The following KSR2 variants were observed in gnomAD, a reference collection of about 807,000 sequenced individuals.
KSR2 encodes kinase suppressor of ras 2.
Under a neutral mutation model 107.8 loss-of-function variants are expected in KSR2, and 25 were observed. The ratio of observed to expected loss-of-function variants is 0.23; its 90% CI spans 0.17 to 0.32. The LOEUF (loss-of-function observed/expected upper bound fraction) is 0.32. Among genes scored for constraint, KSR2 ranks in the 10% least tolerant of loss-of-function variants. The pLI, the probability that KSR2 is intolerant of heterozygous loss-of-function variation, is 1.00. For missense variants in KSR2, 887 were observed against 1,268.9 expected (o/e 0.70, Z 4.57); for synonymous variants, 480 against 507.0 (o/e 0.95, Z 0.71).
chr12:117,668,766 G>C (rs143871123), intron 4 of KSR2, among the ~76,000 whole-genome samples: 20 of 152,132 alleles, frequency 1.3e-4, no homozygotes, highest in African/African-American at 4.8e-4. Context: ...CTGTCTGATA[G>C]TTCCTTCAGA....
In KSR2 at chr12:117,672,222, G is replaced by A. The variant is rs553728245; in HGVS notation, c.987-4564C>T. 6.6e-5 allele frequency among the ~76,000 whole-genome samples: 10 copies of A among 152,248 alleles called. No homozygotes were observed. The South Asian group carries it at 1.5e-3, about 22-fold the overall frequency. The stretch of plus-strand genomic sequence containing the variant: ...AAGATTCAAAGAAACATCCATACAC[G>A]GACACAAATGACTGTTCCTAATGAC... On this transcript the variant is annotated intron_variant, in intron 4 of 19. Coordinates refer to ENST00000339824, the MANE Select transcript of KSR2 (RefSeq NM_173598.6).
chr12:117,859,650 T>A (rs1372076589), intron 2 of KSR2, among the ~76,000 whole-genome samples: 3 of 151,286 alleles, frequency 2.0e-5, no homozygotes, highest in Admixed American at 1.3e-4. Flanking sequence ...AGAGATGGAG[T>A]TTCGCCATGT....
chr12:117,938,844 T>C (rs1895921152), intron 1 of KSR2, among the ~76,000 whole-genome samples: 1 of 152,210 alleles, frequency 6.6e-6, no homozygotes, highest in Non-Finnish European at 1.5e-5. Context: ...TTGAGTTCCC[T>C]TTCAGATACC....
intron 3 of KSR2, among the ~76,000 whole-genome samples, chr12:117,839,748 T>C (rs1401706245): frequency 1.3e-5 from 2 of 152,190 alleles, no homozygotes; most frequent in Non-Finnish European, 2.9e-5. Context: ...TTTAGAAAGA[T>C]GCAGCCCAGA....
chr12:117,957,230 G>A (rs182395724), intron 1 of KSR2, among the ~76,000 whole-genome samples: 3 of 152,082 alleles, frequency 2.0e-5, no homozygotes, highest in East Asian at 1.9e-4. Context: ...CTGTGTCTGC[G>A]GCTGCCTTAC....
At chr12:117,604,300 A>ATG (rs1881112231) in intron 5 of KSR2, among the ~76,000 whole-genome samples, 1 of 152,178 alleles carries the variant, frequency 6.6e-6, no homozygotes, top group Non-Finnish European at 1.5e-5. Context: ...ACTTCCCAGC[A>ATG]TGTCAGAATG....
intron 2 of KSR2, among the ~76,000 whole-genome samples, chr12:117,857,537 A>G (rs1157708195): frequency 6.6e-6 from 1 of 152,240 alleles, no homozygotes; most frequent in Non-Finnish European, 1.5e-5. Flanking sequence ...TAACATTTTT[A>G]TAACATCAAA....
chr12:117,695,172 A>AGTACTT (rs1886001783), intron 4 of KSR2, among the ~76,000 whole-genome samples: 2 of 152,054 alleles, frequency 1.3e-5, no homozygotes, highest in Non-Finnish European at 2.9e-5. Context: ...TCTATGAGGT[A>AGTACTT]CCTAGAACAG....
intron 14 of KSR2, among the ~76,000 whole-genome samples, chr12:117,511,179 C>T (rs1241186511): frequency 6.6e-6 from 1 of 152,240 alleles, no homozygotes; most frequent in Non-Finnish European, 1.5e-5. Flanking sequence ...CATTCCCCTA[C>T]AGGCTCTTTT....
chr12:117,667,727 C>A, intron 4 of KSR2, 69 bp from the exon 5 acceptor site: 1 of 1,342,164 alleles, frequency 7.5e-7, no homozygotes, highest in African/African-American at 1.5e-5. Flanking sequence ...AGCAGGGAGG[C>A]CCAGCCTTGT....
Position 117,828,360 on chromosome 12 carries a change from G to A in KSR2, c.472+27068C>T, listed in dbSNP as rs549286404. On this transcript the variant is annotated intron_variant, in intron 3 of 19. Coordinates refer to ENST00000339824, the MANE Select transcript of KSR2 (RefSeq NM_173598.6). ...TGGTGTTATGTAATATCCAGAACAC[G>A]GCAGCACGTAAAAGCCCTCAACATC... Among the ~76,000 whole-genome samples the A allele has an allele frequency of 6.6e-5, 10 of 152,288 alleles. No homozygotes were observed. The South Asian group carries it at 1.0e-3, about 16-fold the overall frequency.
At chr12:117,917,361 C>T (rs1181053547) in intron 1 of KSR2, among the ~76,000 whole-genome samples, 1 of 151,952 alleles carries the variant, frequency 6.6e-6, no homozygotes. Flanking sequence ...GGCAACATAG[C>T]GAGACCCTGT....
At chr12:117,778,305 G>A (rs1160636437) in intron 3 of KSR2, among the ~76,000 whole-genome samples, 2 of 152,004 alleles carry the variant, frequency 1.3e-5, no homozygotes, top group Admixed American at 6.6e-5. Context: ...TGGCCAGGCC[G>A]GTCTCAAACT....
At chr12:117,812,434 A>T (rs1051051624) in intron 3 of KSR2, among the ~76,000 whole-genome samples, 2 of 152,178 alleles carry the variant, frequency 1.3e-5, no homozygotes, top group African/African-American at 2.4e-5. Flanking sequence ...GGCTTGCTTT[A>T]TATTTCTATT....
chr12:117,728,956 G>T (rs1887554333), intron 4 of KSR2, among the ~76,000 whole-genome samples: 1 of 152,198 alleles, frequency 6.6e-6, no homozygotes, highest in Non-Finnish European at 1.5e-5. Flanking sequence ...TGGGTGAAAT[G>T]ATAATTTGTT....
intron 14 of KSR2, among the ~76,000 whole-genome samples, chr12:117,503,152 T>G (rs991068192): frequency 6.6e-6 from 1 of 152,166 alleles, no homozygotes; most frequent in African/African-American, 2.4e-5. Context: ...AGCTTGGAAT[T>G]TGAAGTCAAA....
intron 12 of KSR2, 67 bp from the exon 13 acceptor site, chr12:117,527,186 A>G: frequency 8.5e-7 from 1 of 1,175,420 alleles, no homozygotes; most frequent in Non-Finnish European, 1.3e-6. Context: ...GAGTTTAGCT[A>G]TGTACGAAGA....
intron 5 of KSR2, among the ~76,000 whole-genome samples, chr12:117,597,887 C>T (rs2136284197): frequency 6.6e-6 from 1 of 152,314 alleles, no homozygotes; most frequent in Non-Finnish European, 1.5e-5. Context: ...CCAGGATCCT[C>T]ACAGCAACCT....
At chr12:117,692,673 T>C (rs532269526) in intron 4 of KSR2, among the ~76,000 whole-genome samples, 5 of 151,748 alleles carry the variant, frequency 3.3e-5, no homozygotes, top group Non-Finnish European at 2.9e-5. Context: ...AACAGATGAA[T>C]AGATAAACAA....
Sources: allele counts gnomAD v4.1 joint callset (sites outside exome capture counted in the v4.1 genomes callset), GRCh38; gene constraint gnomAD v4.1.1; transcripts MANE v1.5; gene names NCBI Gene and HGNC (gene_info 2026-07-23, HGNC 2026-07-21).